The following CALN1 variants were observed in gnomAD, a reference collection of about 807,000 sequenced individuals.
The protein encoded by CALN1 is calneuron 1.
A neutral mutation model predicts 30.6 loss-of-function variants in CALN1; 17 were observed. The observed-to-expected ratio is 0.56, with a 90% CI of 0.38 to 0.83. The LOEUF (loss-of-function observed/expected upper bound fraction) is 0.83, where lower values mean the gene tolerates loss of function less well. CALN1 is among the 40% of genes least tolerant of loss of function. The pLI, the probability that CALN1 is intolerant of heterozygous loss-of-function variation, is 0.00. For missense variants in CALN1, 291 were observed against 354.9 expected, an observed-to-expected ratio of 0.82 and a Z score of 1.45; for synonymous variants, 156 against 131.4, an observed-to-expected ratio of 1.19 and a Z score of -1.28.
At chr7:72,331,379 A>G (rs568626925) in intron 2 of CALN1, among the ~76,000 whole-genome samples, 3 of 152,230 alleles carry the variant, frequency 2.0e-5, no homozygotes, top group Non-Finnish European at 2.9e-5. Context: ...GAAAAAGAAA[A>G]AGGAGGAGGA....
At chr7:71,995,889 G>A (rs1056364937) in intron 5 of CALN1, among the ~76,000 whole-genome samples, 1 of 151,908 alleles carries the variant, frequency 6.6e-6, no homozygotes, top group Non-Finnish European at 1.5e-5. Context: ...GTTCCCCACA[G>A]CAGAGGAGAA....
intron 5 of CALN1, among the ~76,000 whole-genome samples, chr7:71,900,832 C>T (rs1399011384): frequency 6.6e-6 from 1 of 152,170 alleles, no homozygotes; most frequent in African/African-American, 2.4e-5. Context: ...AAACACACCA[C>T]TGGGTGGAGA....
intron 5 of CALN1, among the ~76,000 whole-genome samples, chr7:72,017,696 T>C (rs866917469): frequency 6.6e-6 from 1 of 152,188 alleles, no homozygotes; most frequent in Non-Finnish European, 1.5e-5. Context: ...AATGAGCAGA[T>C]CTATTTGCTC....
intron 4 of CALN1, among the ~76,000 whole-genome samples, chr7:72,095,393 A>G (rs1806150781): frequency 6.6e-6 from 1 of 152,180 alleles, no homozygotes; most frequent in African/African-American, 2.4e-5. Context: ...AAAACTTGCC[A>G]CAGTAAAGAT....
At chr7:72,160,764 G>A (rs1788050723) in intron 3 of CALN1, among the ~76,000 whole-genome samples, 1 of 152,174 alleles carries the variant, frequency 6.6e-6, no homozygotes, top group Non-Finnish European at 1.5e-5. Context: ...CCTCCAGCCT[G>A]ATATTCTGAG....
intron 3 of CALN1, among the ~76,000 whole-genome samples, chr7:72,175,969 C>A (rs1029772822): frequency 2.0e-5 from 3 of 151,918 alleles, no homozygotes; most frequent in African/African-American, 4.8e-5. Flanking sequence ...AAACTAAATG[C>A]AAACTCAGAG....
chr7:72,246,401 C>T (rs986345938), intron 3 of CALN1, among the ~76,000 whole-genome samples: 4 of 152,136 alleles, frequency 2.6e-5, no homozygotes, highest in African/African-American at 4.8e-5. Flanking sequence ...AAGGGACACA[C>T]GGTGGCTTGG....
At chr7:72,203,104 C>T (rs903794014) in intron 3 of CALN1, among the ~76,000 whole-genome samples, 1 of 152,102 alleles carries the variant, frequency 6.6e-6, no homozygotes, top group African/African-American at 2.4e-5. Context: ...CCAAATACCA[C>T]ATGTTCTCAC....
At position 71,798,121 on chromosome 7, in the gene CALN1, GAC is replaced by G. The variant is rs796803648; in HGVS notation, c.659-10221_659-10220del. Among the ~76,000 whole-genome samples, 301 of 70,272 alleles carry G rather than the reference GAC, an allele frequency of 4.3e-3. No homozygotes were observed. In the East Asian group the frequency reaches 0.093, roughly 22 times the overall value. 46.1% of individuals were successfully genotyped at this position (70,272 alleles called of 152,430 possible). On this transcript the variant is annotated intron_variant, in intron 6 of 6. Coordinates refer to ENST00000395275, the MANE Select transcript of CALN1 (RefSeq NM_031468.4). ...AGAGACAGAGAGAGACAGAGACAGAGACAGAGAGAGAGAGAGAGAGAGAGAGA... is the reference window on the plus strand; with the variant it reads ...AGAGACAGAGAGAGACAGAGACAGAGAGAGAGAGAGAGAGAGAGAGAGAGA...
chr7:71,872,909 C>T lies in CALN1; in HGVS notation c.502-62417G>A, dbSNP rs373631071. Among the ~76,000 whole-genome samples the T allele has an allele frequency of 1.5e-4, 23 of 151,962 alleles. No homozygotes were observed. In the East Asian group the frequency reaches 1.9e-3, roughly 13 times the overall value. On this transcript the variant is annotated intron_variant, in intron 5 of 6. Coordinates refer to ENST00000395275, the MANE Select transcript of CALN1 (RefSeq NM_031468.4). ...GATTACAAGCATGAGCCACGGCGCC[C>T]GGCCGTGCTTTATTTTTCCATGGAA...
chr7:72,310,795 C>T (rs546881325), intron 2 of CALN1, among the ~76,000 whole-genome samples: 1 of 151,150 alleles, frequency 6.6e-6, no homozygotes, highest in Non-Finnish European at 1.5e-5. Context: ...CCCAGCAACT[C>T]AGGAGGCTGA....
chr7:72,106,547 G>C (rs970407189), intron 3 of CALN1, among the ~76,000 whole-genome samples: 4 of 149,410 alleles, frequency 2.7e-5, no homozygotes, highest in Non-Finnish European at 5.9e-5. Context: ...AAAAGAAAAG[G>C]AAAGGGAGAA....
chr7:72,372,642 G>A lies in CALN1; in HGVS notation c.119+30609C>T, dbSNP rs112069300. Among the ~76,000 whole-genome samples, 762 of 152,180 alleles carry A rather than the reference G, an allele frequency of 5.0e-3. 3 individuals carry two copies. The highest frequency in any genetic ancestry group is 0.017 in the African/African-American group (715 of 41,532). On this transcript the variant is annotated intron_variant, in intron 2 of 6. Coordinates refer to ENST00000395275, the MANE Select transcript of CALN1 (RefSeq NM_031468.4). ...CTTTGGTGCCAAACTAGTCACTGGCGTCACACACAGGGGACAGATCTGAAT... is the reference window on the plus strand; with the variant it reads ...CTTTGGTGCCAAACTAGTCACTGGCATCACACACAGGGGACAGATCTGAAT...
At chr7:72,295,762 G>A (rs961318287) in intron 2 of CALN1, among the ~76,000 whole-genome samples, 5 of 151,152 alleles carry the variant, frequency 3.3e-5, no homozygotes, top group African/African-American at 1.2e-4. Context: ...GGAGATTTTG[G>A]GCTGAGACAA....
At chr7:72,243,484 T>A (rs1014477502) in intron 3 of CALN1, among the ~76,000 whole-genome samples, 2 of 152,180 alleles carry the variant, frequency 1.3e-5, no homozygotes, top group African/African-American at 2.4e-5. Context: ...CTTTCGGTGC[T>A]AAGTGCTGAC....
intron 2 of CALN1, among the ~76,000 whole-genome samples, chr7:72,295,564 G>A (rs1221996367): frequency 1.4e-5 from 2 of 145,864 alleles, no homozygotes; most frequent in African/African-American, 5.1e-5. Flanking sequence ...AGTTCTCCTT[G>A]AAGAGGTCCT....
intron 2 of CALN1, among the ~76,000 whole-genome samples, chr7:72,305,913 A>C (rs1486966333): frequency 6.6e-6 from 1 of 152,156 alleles, no homozygotes; most frequent in Non-Finnish European, 1.5e-5. Context: ...GAGAGAGGGC[A>C]AGCTCTCTGG....
chr7:72,085,121 G>A (rs1267958404), intron 4 of CALN1, among the ~76,000 whole-genome samples: 1 of 152,056 alleles, frequency 6.6e-6, no homozygotes, highest in African/African-American at 2.4e-5. Flanking sequence ...GCAGCCAAAC[G>A]CTATGTCATT....
intron 2 of CALN1, among the ~76,000 whole-genome samples, chr7:72,355,506 A>C (rs2129559496): frequency 6.6e-6 from 1 of 152,316 alleles, no homozygotes; most frequent in East Asian, 1.9e-4. Flanking sequence ...AGCCTGGGCA[A>C]CAGAGTGAGA....
Sources: allele counts gnomAD v4.1 joint callset (sites outside exome capture counted in the v4.1 genomes callset), GRCh38; gene constraint gnomAD v4.1.1; transcripts MANE v1.5; gene names NCBI Gene and HGNC (gene_info 2026-07-23, HGNC 2026-07-21).